The following NALF1 variants were observed in gnomAD, a reference collection of about 807,000 sequenced individuals.
NALF1 encodes the protein NALCN channel auxiliary factor 1.
In NALF1, 3 loss-of-function variants were observed where a neutral mutation model predicts 48.4. The ratio of observed to expected loss-of-function variants is 0.06; its 90% CI spans 0.03 to 0.16. NALF1 has a LOEUF of 0.16. NALF1 is among the 10% of genes least tolerant of loss of function. The pLI is 1.00. For synonymous variants in NALF1, 262 were observed against 245.7 expected (o/e 1.07, Z -0.62); for missense variants, 526 against 571.5 (o/e 0.92, Z 0.81).
chr13:107,264,693 T>C (rs2138857447), intron 1 of NALF1, among the ~76,000 whole-genome samples: 1 of 152,344 alleles, frequency 6.6e-6, no homozygotes, highest in East Asian at 1.9e-4. Flanking sequence ...TCCTGTGCAT[T>C]TGTGTTTATA....
intron 1 of NALF1, among the ~76,000 whole-genome samples, chr13:107,458,719 A>G (rs1332866087): frequency 6.6e-6 from 1 of 152,228 alleles, no homozygotes; most frequent in African/African-American, 2.4e-5. Flanking sequence ...TAAAGAGTAG[A>G]CCAACAACGC....
intron 1 of NALF1, among the ~76,000 whole-genome samples, chr13:107,547,629 T>C (rs1877169171): frequency 1.3e-5 from 2 of 152,146 alleles, no homozygotes; most frequent in Non-Finnish European, 2.9e-5. Context: ...ATGCAGCACA[T>C]GGTGAAGCCA....
intron 1 of NALF1, among the ~76,000 whole-genome samples, chr13:107,608,442 T>C (rs1325609991): frequency 6.6e-6 from 1 of 152,188 alleles, no homozygotes; most frequent in South Asian, 2.1e-4. Flanking sequence ...TGCAGACTTA[T>C]GATAAAATAA....
intron 1 of NALF1, among the ~76,000 whole-genome samples, chr13:107,413,848 G>A (rs1370676154): frequency 2.0e-5 from 3 of 151,966 alleles, no homozygotes; most frequent in Admixed American, 6.6e-5. Flanking sequence ...GTGGAGTGGC[G>A]CAATCTCAGC....
chr13:107,712,088 A>C (rs556123931), intron 1 of NALF1, among the ~76,000 whole-genome samples: 4 of 152,188 alleles, frequency 2.6e-5, no homozygotes, highest in Admixed American at 2.0e-4. Context: ...AAAAAAAAAA[A>C]CCTTTGAATT....
At chr13:107,737,288 A>G (rs1036325553) in intron 1 of NALF1, among the ~76,000 whole-genome samples, 2 of 152,150 alleles carry the variant, frequency 1.3e-5, no homozygotes, top group Non-Finnish European at 2.9e-5. Context: ...CTAACAATAA[A>G]CAAAATTCCT....
intron 1 of NALF1, among the ~76,000 whole-genome samples, chr13:107,544,744 A>G (rs1877090033): frequency 6.6e-6 from 1 of 152,204 alleles, no homozygotes; most frequent in Non-Finnish European, 1.5e-5. Flanking sequence ...GCTTTGTGAC[A>G]GGACTTTCAT....
rs562648417 is a variant in NALF1, at chr13:107,866,926, G to A, written c.-330C>T. 6.6e-6 allele frequency among the ~76,000 whole-genome samples: 1 copy of A among 152,112 alleles called. No homozygotes were observed. Among genetic ancestry groups the A allele is most frequent in the Admixed American group, 6.5e-5 (1 of 15,304 alleles). On this transcript the variant is annotated 5_prime_UTR_variant, in exon 1 of 3. Coordinates refer to ENST00000375915, the MANE Select transcript of NALF1 (RefSeq NM_001080396.3). This position sits in a 1 kb window ranked among gnomAD's most constrained non-coding sequence, Gnocchi z 4.4. ...AGAGAGAGAGAGAGAGAGAGACGGA[G>A]GAGGCTGGTGCTGGTGGCCGGCGGC...
chr13:107,566,898 ATATTAG>A (rs1877826902), intron 1 of NALF1, among the ~76,000 whole-genome samples: 1 of 152,184 alleles, frequency 6.6e-6, no homozygotes, highest in Non-Finnish European at 1.5e-5. Context: ...CAACACGGAT[ATATTAG>A]TACATTTTGA....
chr13:107,786,742 A>C (rs755033839), intron 1 of NALF1, among the ~76,000 whole-genome samples: 1 of 150,442 alleles, frequency 6.6e-6, no homozygotes, highest in Non-Finnish European at 1.5e-5. Context: ...CAGAAAAAAA[A>C]AGAGAGAGAG....
At chr13:107,423,104 C>T (rs776037880) in intron 1 of NALF1, among the ~76,000 whole-genome samples, 17 of 152,116 alleles carry the variant, frequency 1.1e-4, no homozygotes, top group Non-Finnish European at 2.2e-4. Context: ...GCCATGAGAA[C>T]CTAATGCAGT....
intron 1 of NALF1, among the ~76,000 whole-genome samples, chr13:107,413,552 G>A (rs887996374): frequency 3.9e-5 from 6 of 152,056 alleles, no homozygotes; most frequent in African/African-American, 9.7e-5. Context: ...AAAATTACAC[G>A]ATGTGTAATA....
chr13:107,558,845 C>T (rs549837845), intron 1 of NALF1, among the ~76,000 whole-genome samples: 1 of 152,136 alleles, frequency 6.6e-6, no homozygotes, highest in East Asian at 1.9e-4. Context: ...AGAGCGAGCT[C>T]TCTTTCCTCT....
intron 1 of NALF1, among the ~76,000 whole-genome samples, chr13:107,782,060 G>T (rs931878862): frequency 6.6e-6 from 1 of 151,712 alleles, no homozygotes; most frequent in Non-Finnish European, 1.5e-5. Flanking sequence ...CTCTCCCCAC[G>T]GTCTCCCTCT....
chr13:107,749,912 C>T (rs1469892690), intron 1 of NALF1, among the ~76,000 whole-genome samples: 2 of 151,852 alleles, frequency 1.3e-5, no homozygotes, highest in Non-Finnish European at 2.9e-5. Context: ...CTCCACCTCC[C>T]AGGTTCAAGC....
chr13:107,634,355 T>C (rs1879917859), intron 1 of NALF1, among the ~76,000 whole-genome samples: 1 of 152,124 alleles, frequency 6.6e-6, no homozygotes, highest in Admixed American at 6.6e-5. Flanking sequence ...CTAAAGCCCA[T>C]ATTTCACCAC....
At chr13:107,589,477 T>C (rs1463662259) in intron 1 of NALF1, among the ~76,000 whole-genome samples, 2 of 152,028 alleles carry the variant, frequency 1.3e-5, no homozygotes, top group Non-Finnish European at 2.9e-5. Context: ...TTTGGGAAGG[T>C]TTAAAACTTC....
rs1051648724 is a variant in NALF1, at chr13:107,381,237, G to C, written c.916-170482C>G. Among the ~76,000 whole-genome samples the C allele has an allele frequency of 2.7e-5, 4 of 147,684 alleles. No homozygotes were observed. In the Admixed American group the frequency reaches 2.7e-4, roughly 10 times the overall value. ...TTTTTTTGAGACAAATTCTTGCTCT[G>C]TTGCCCAGGCTGGAGTGCAGTGGCA... is the stretch of plus-strand genomic sequence containing the variant. On this transcript the variant is annotated intron_variant, in intron 1 of 2. Coordinates refer to ENST00000375915, the MANE Select transcript of NALF1 (RefSeq NM_001080396.3).
intron 1 of NALF1, among the ~76,000 whole-genome samples, chr13:107,559,550 C>A (rs1366652678): frequency 6.6e-6 from 1 of 152,126 alleles, no homozygotes. Context: ...AGGAGGCATG[C>A]GGTCTGCAGA....
Sources: allele counts gnomAD v4.1 joint callset (sites outside exome capture counted in the v4.1 genomes callset), GRCh38; gene constraint gnomAD v4.1.1; non-coding constraint Gnocchi (gnomAD v3.1); transcripts MANE v1.5; gene names NCBI Gene and HGNC (gene_info 2026-07-23, HGNC 2026-07-21).